NUP153: variants seen among roughly 807,000 people sequenced by gnomAD.
NUP153 encodes nuclear pore complex protein Nup153.
A neutral mutation model predicts 134.6 loss-of-function variants in NUP153; 27 were observed. The ratio of observed to expected loss-of-function variants is 0.20; its 90% CI spans 0.15 to 0.28. The LOEUF is 0.28. NUP153 is among the 10% of genes least tolerant of loss of function. The pLI is 1.00. For missense variants in NUP153, 1,821 were observed against 1,731.3 expected, an observed-to-expected ratio of 1.05 and a Z score of -0.92; for synonymous variants, 640 against 623.5, an observed-to-expected ratio of 1.03 and a Z score of -0.40.
intron 20 of NUP153, among the ~76,000 whole-genome samples, chr6:17,618,807 C>T (rs891786887): frequency 1.8e-4 from 27 of 152,314 alleles, no homozygotes; most frequent in Non-Finnish European, 2.8e-4. Context: ...ACCTCGTGAT[C>T]TGCCCGCCTT....
At chr6:17,636,577 C>T (rs1200454611) in intron 16 of NUP153, among the ~76,000 whole-genome samples, 1 of 152,110 alleles carries the variant, frequency 6.6e-6, no homozygotes. Flanking sequence ...AAACCATCAT[C>T]CACTTCTGGA....
intron 11 of NUP153, among the ~76,000 whole-genome samples, chr6:17,652,941 A>G (rs1314925667): frequency 6.6e-6 from 1 of 152,086 alleles, no homozygotes; most frequent in South Asian, 2.1e-4. Context: ...AGGTAGGAGA[A>G]TCACTTGAAC....
chr6:17,648,442 C>A (rs898544531), intron 12 of NUP153, among the ~76,000 whole-genome samples: 1 of 152,094 alleles, frequency 6.6e-6, no homozygotes, highest in South Asian at 2.1e-4. Flanking sequence ...CATGGTGAAA[C>A]CCTGTCTCTA....
intron 2 of NUP153, among the ~76,000 whole-genome samples, chr6:17,685,037 C>T (rs1037462733): frequency 5.3e-5 from 8 of 152,298 alleles, no homozygotes; most frequent in Admixed American, 4.6e-4. Flanking sequence ...GACATGTTAG[C>T]GTGTGCTGGT....
At chr6:17,673,329 G>T (rs1016223307) in intron 5 of NUP153, among the ~76,000 whole-genome samples, 1 of 152,028 alleles carries the variant, frequency 6.6e-6, no homozygotes, top group African/African-American at 2.4e-5. Flanking sequence ...TCAAGCTTGG[G>T]CGACAGCACA....
Position 17,625,692 on chromosome 6 carries a change from C to T in NUP153, c.3901+116G>A, listed in dbSNP as rs1468083225. ...ATTAAAACAACCCTGGTATAGATGA[C>T]CAAAAGGCATTCCCACCATTTTGTG... On this transcript the variant is annotated intron_variant, in intron 19 of 21. Transcript: ENST00000262077. This position sits in a 1 kb window ranked among gnomAD's most constrained non-coding sequence, Gnocchi z 4.7. The T allele has an allele frequency of 4.4e-5, 35 of 787,522 alleles. No individual in the cohort carries two copies. Among genetic ancestry groups the T allele is most frequent in the Non-Finnish European group, 7.1e-5 (33 of 466,700 alleles). 48.8% of individuals were successfully genotyped at this position (787,522 alleles called of 1,614,324 possible).
intron 12 of NUP153, among the ~76,000 whole-genome samples, chr6:17,648,779 G>C (rs1224367672): frequency 2.0e-5 from 3 of 149,656 alleles, no homozygotes; most frequent in Non-Finnish European, 4.4e-5. Flanking sequence ...CTCTAGCCTC[G>C]GCAATACAGC....
chr6:17,667,596 CCCAGCTACCTG>C, intron 8 of NUP153, among the ~76,000 whole-genome samples: 1 of 152,260 alleles, frequency 6.6e-6, no homozygotes, highest in East Asian at 1.9e-4. Context: ...CGCCTGTAGT[CCCAGCTACCTG>C]CGAGGCTGAG....
Position 17,680,005 on chromosome 6 carries a change from T to TG in NUP153, c.335-4236dup, listed in dbSNP as rs1236076309. Among the ~76,000 whole-genome samples, 1 of 152,098 alleles carries TG rather than the reference T, an allele frequency of 6.6e-6. No individual in the cohort carries two copies. Among genetic ancestry groups the TG allele is most frequent in the East Asian group, 1.9e-4 (1 of 5,182 alleles). ...TGCCTTGCGTACCCTACCCTGCAGG[T>TG]GCTTTGCCCAGCCCAGCCTGCATAC... is the stretch of plus-strand genomic sequence containing the variant. On this transcript the variant is annotated intron_variant, in intron 2 of 21. Transcript: ENST00000262077. This position sits in a 1 kb window ranked among gnomAD's most constrained non-coding sequence, Gnocchi z 4.5.
At position 17,675,544 on chromosome 6, in the gene NUP153, A is replaced by G. The variant is rs1768170177; in HGVS notation, c.561T>C (p.Phe187=). 1 of 1,605,496 alleles carries G rather than the reference A, an allele frequency of 6.2e-7. No individual in the cohort carries two copies. The highest frequency in any genetic ancestry group is 2.2e-5 in the East Asian group (1 of 44,824). ...DDDNISTTSG[F]SSRASDKDIT... is the part of the protein sequence containing the mutation. ...TACCTTTATCAGAAGCTCTTGAAGA[A>G]AAACCACTGGTAGTTGAGATGTTAT... is the stretch of plus-strand genomic sequence containing the variant. Residue 187 remains phenylalanine, a synonymous_variant, in exon 3 of 22, where the codon TTT becomes TTC. Coordinates refer to ENST00000262077, the MANE Select transcript of NUP153 (RefSeq NM_005124.4). This position sits in a 1 kb window ranked among gnomAD's most constrained non-coding sequence, Gnocchi z 4.4.
intron 7 of NUP153, 53 bp from the exon 8 acceptor site, chr6:17,669,081 C>CTTT (rs371772324): frequency 4.5e-4 from 416 of 929,682 alleles, no homozygotes; most frequent in South Asian, 1.3e-3. Flanking sequence ...TGAAAAATAC[C>CTTT]TTTTTTTTTT....
chr6:17,684,657 A>C (rs950384234), intron 2 of NUP153, among the ~76,000 whole-genome samples: 1 of 152,198 alleles, frequency 6.6e-6, no homozygotes, highest in African/African-American at 2.4e-5. Context: ...CAAGAGGCCT[A>C]GCTTCAGGCC....
chr6:17,623,004 C>A (rs1488953660), intron 20 of NUP153, among the ~76,000 whole-genome samples: 2 of 151,906 alleles, frequency 1.3e-5, no homozygotes, highest in Non-Finnish European at 2.9e-5. Context: ...GTGGCACGTG[C>A]CTGTAGTCCC....
intron 17 of NUP153, among the ~76,000 whole-genome samples, chr6:17,631,067 A>C (rs1025613909): frequency 6.6e-6 from 1 of 152,220 alleles, no homozygotes; most frequent in African/African-American, 2.4e-5. Flanking sequence ...CAAACTTCTA[A>C]AACACTTAAA....
intron 9 of NUP153, among the ~76,000 whole-genome samples, chr6:17,662,479 G>C (rs1342407269): frequency 1.3e-5 from 2 of 152,134 alleles, no homozygotes; most frequent in Non-Finnish European, 2.9e-5. Context: ...AAAAATGGCT[G>C]ATTACAGGGC....
chr6:17,701,312 G>A (rs914845176), intron 1 of NUP153, among the ~76,000 whole-genome samples: 9 of 151,792 alleles, frequency 5.9e-5, no homozygotes, highest in Non-Finnish European at 1.2e-4. Context: ...GCCAGACCAC[G>A]CAGTGAGGAG....
chr6:17,642,714 C>T (rs1374750622), intron 14 of NUP153, among the ~76,000 whole-genome samples: 1 of 152,166 alleles, frequency 6.6e-6, no homozygotes, highest in African/African-American at 2.4e-5. Flanking sequence ...GAAACCAGTA[C>T]TCAAACAAAT....
chr6:17,694,889 G>A (rs144481878), intron 1 of NUP153, among the ~76,000 whole-genome samples: 296 of 151,760 alleles, frequency 2.0e-3, no homozygotes, highest in Non-Finnish European at 3.2e-3. Context: ...TGAGGTAGGA[G>A]AATCGCTTGA....
At chr6:17,664,845 G>C (rs977104572) in intron 9 of NUP153, among the ~76,000 whole-genome samples, 1 of 151,976 alleles carries the variant, frequency 6.6e-6, no homozygotes, top group African/African-American at 2.4e-5. Context: ...TTGAGGTCAG[G>C]AGTTCGAGAC....
Sources: gnomAD v4.1 joint callset for allele counts (sites outside exome capture counted in the v4.1 genomes callset) on GRCh38, gnomAD v4.1.1 for gene constraint, Gnocchi (gnomAD v3.1) non-coding constraint, MANE v1.5 for transcripts, NCBI Gene and HGNC (gene_info 2026-07-23, HGNC 2026-07-21) for gene names.